The following LRRTM3 variants were observed in gnomAD, a reference collection of about 807,000 sequenced individuals.
The protein encoded by LRRTM3 is leucine-rich repeat transmembrane neuronal protein 3.
Under a neutral mutation model 44.7 loss-of-function variants are expected in LRRTM3, and 24 were observed. The ratio of observed to expected loss-of-function variants is 0.54; its 90% CI spans 0.39 to 0.76. LRRTM3 has a LOEUF of 0.76. Among genes scored for constraint, LRRTM3 ranks in the 30% least tolerant of loss-of-function variants. LRRTM3 has a pLI of 0.00. For missense variants in LRRTM3, 587 were observed against 702.2 expected (o/e 0.84, Z 1.85); for synonymous variants, 277 against 278.7 (o/e 0.99, Z 0.06).
chr10:67,051,530 G>A (rs1487097284), intron 2 of LRRTM3, among the ~76,000 whole-genome samples: 2 of 151,016 alleles, frequency 1.3e-5, no homozygotes, highest in African/African-American at 4.9e-5. Flanking sequence ...TGCAATCTCG[G>A]CTCACTGCAA....
intron 2 of LRRTM3, among the ~76,000 whole-genome samples, chr10:67,073,894 G>C (rs1055981327): frequency 2.6e-5 from 4 of 152,094 alleles, no homozygotes; most frequent in African/African-American, 9.7e-5. Flanking sequence ...AGTTAACTTG[G>C]AAAATGTTAA....
At chr10:67,013,232 A>G (rs1009767408) in intron 2 of LRRTM3, among the ~76,000 whole-genome samples, 2 of 151,836 alleles carry the variant, frequency 1.3e-5, no homozygotes, top group Middle Eastern at 6.8e-3. Context: ...GTCTGTCCTT[A>G]ATACTCTATT....
At chr10:67,034,474 A>T (rs913009375) in intron 2 of LRRTM3, among the ~76,000 whole-genome samples, 5 of 151,592 alleles carry the variant, frequency 3.3e-5, no homozygotes, top group African/African-American at 1.2e-4. Flanking sequence ...CAGTGCCTAT[A>T]CTCTCTAGTG....
chr10:67,073,934 T>C (rs1856596060), intron 2 of LRRTM3, among the ~76,000 whole-genome samples: 2 of 152,172 alleles, frequency 1.3e-5, no homozygotes, highest in Non-Finnish European at 2.9e-5. Flanking sequence ...AAAATGTAAC[T>C]AATAGCAGAG....
At chr10:66,993,709 A>C (rs77293549) in intron 2 of LRRTM3, among the ~76,000 whole-genome samples, 75 of 146,332 alleles carry the variant, frequency 5.1e-4, no homozygotes, top group Middle Eastern at 3.5e-3. Flanking sequence ...AAAAAAAAAA[A>C]CAGATAAAAC....
At chr10:66,987,445 A>G (rs1298064191) in intron 2 of LRRTM3, among the ~76,000 whole-genome samples, 1 of 152,210 alleles carries the variant, frequency 6.6e-6, no homozygotes, top group Non-Finnish European at 1.5e-5. Context: ...GAGTCAAAAA[A>G]TGCTGAGGCT....
At chr10:66,982,706 T>C (rs1241619063) in intron 2 of LRRTM3, among the ~76,000 whole-genome samples, 1 of 152,094 alleles carries the variant, frequency 6.6e-6, no homozygotes, top group Non-Finnish European at 1.5e-5. Flanking sequence ...TGGCAAAAGA[T>C]AAGCTAAGTA....
At chr10:67,031,193 A>G (rs1035205297) in intron 2 of LRRTM3, among the ~76,000 whole-genome samples, 1 of 152,216 alleles carries the variant, frequency 6.6e-6, no homozygotes, top group African/African-American at 2.4e-5. Context: ...TCTGATTTAT[A>G]TAAATTGATA....
At chr10:66,977,024 G>A (rs1850076846) in intron 2 of LRRTM3, among the ~76,000 whole-genome samples, 1 of 152,122 alleles carries the variant, frequency 6.6e-6, no homozygotes, top group Non-Finnish European at 1.5e-5. Flanking sequence ...ATGCTTCCAG[G>A]AGAATTAGCC....
intron 2 of LRRTM3, among the ~76,000 whole-genome samples, chr10:66,934,378 C>A (rs1363652639): frequency 6.6e-6 from 1 of 151,976 alleles, no homozygotes; most frequent in Non-Finnish European, 1.5e-5. Flanking sequence ...TCCTATATCA[C>A]CAAAAAATGT....
At chr10:66,958,366 C>T (rs1376938533) in intron 2 of LRRTM3, among the ~76,000 whole-genome samples, 1 of 144,294 alleles carries the variant, frequency 6.9e-6, no homozygotes, top group African/African-American at 2.6e-5. Flanking sequence ...TAGAAAAACT[C>T]TTGAAAGCTA....
At chr10:66,928,921 T>C (rs1162428764) in intron 2 of LRRTM3, among the ~76,000 whole-genome samples, 1 of 152,168 alleles carries the variant, frequency 6.6e-6, no homozygotes, top group Non-Finnish European at 1.5e-5. Context: ...GACTCAGTTA[T>C]GGGAACATTT....
At chr10:66,963,860 T>A (rs937153478) in intron 2 of LRRTM3, among the ~76,000 whole-genome samples, 1 of 151,534 alleles carries the variant, frequency 6.6e-6, no homozygotes, top group South Asian at 2.1e-4. Context: ...TTTTTTTTTT[T>A]TAAGATGGAG....
chr10:66,926,291 C>T lies in LRRTM3; in HGVS notation c.-293C>T. 3.8e-6 allele frequency: 2 copies of T among 523,256 alleles called. No individual in the cohort carries two copies. Among genetic ancestry groups the T allele is most frequent in the South Asian group, 2.0e-5 (1 of 49,690 alleles). 32.4% of individuals were successfully genotyped at this position (523,256 alleles called of 1,614,324 possible). On this transcript the variant is annotated 5_prime_UTR_variant, in exon 1 of 3. Transcript: ENST00000361320. ...TTTTTTAACCGCCCCCTCCCCACCC[C>T]CCAAAAAACTGTAAAGATGCAAAAA...
At chr10:66,926,652 T>C (rs1159622949) in intron 1 of LRRTM3, 65 bp downstream of exon 1, 1 of 1,554,056 alleles carries the variant, frequency 6.4e-7, no homozygotes, top group African/African-American at 1.4e-5. Context: ...CTAGTGTGTG[T>C]AATAATTCTG....
chr10:67,031,172 A>AT (rs1433473909), intron 2 of LRRTM3, among the ~76,000 whole-genome samples: 1 of 152,244 alleles, frequency 6.6e-6, no homozygotes, highest in African/African-American at 2.4e-5. Context: ...TTCCAGGTAT[A>AT]AATAAAACCC....
intron 1 of LRRTM3, 118 bp downstream of exon 1, chr10:66,926,705 T>C (rs896796929): frequency 2.5e-6 from 3 of 1,216,402 alleles, no homozygotes; most frequent in African/African-American, 3.1e-5. Context: ...TCTAAGACTA[T>C]GAATTTATTT....
At chr10:67,095,425 C>T (rs957414211) in intron 2 of LRRTM3, among the ~76,000 whole-genome samples, 1 of 151,646 alleles carries the variant, frequency 6.6e-6, no homozygotes, top group Admixed American at 6.6e-5. Flanking sequence ...AAGAAACTCA[C>T]TAAAGAAAAT....
intron 2 of LRRTM3, among the ~76,000 whole-genome samples, chr10:66,985,132 T>A (rs1210764153): frequency 6.6e-6 from 1 of 152,182 alleles, no homozygotes; most frequent in African/African-American, 2.4e-5. Flanking sequence ...AGACTAACAT[T>A]ATCTAATACT....
Sources: allele counts gnomAD v4.1 joint callset (sites outside exome capture counted in the v4.1 genomes callset), GRCh38; gene constraint gnomAD v4.1.1; transcripts MANE v1.5; gene names NCBI Gene and HGNC (gene_info 2026-07-23, HGNC 2026-07-21).